TJP3: variants seen among roughly 807,000 people sequenced by gnomAD.
The protein encoded by TJP3 is tight junction protein 3.
In TJP3, 85 loss-of-function variants were observed where a neutral mutation model predicts 104.2. The ratio of observed to expected loss-of-function variants is 0.82; its 90% CI spans 0.68 to 0.98. The LOEUF (loss-of-function observed/expected upper bound fraction) is 0.98, where lower values mean the gene tolerates loss of function less well. Among genes scored for constraint, TJP3 ranks in the 50% least tolerant of loss-of-function variants. The probability of loss-of-function intolerance (pLI) is 0.00; values close to 1 mark genes in which losing one functional copy is unlikely to be tolerated. For missense variants in TJP3, 1,367 were observed against 1,322.8 expected, an observed-to-expected ratio of 1.03 and a Z score of -0.52; for synonymous variants, 550 against 550.6, an observed-to-expected ratio of 1.00 and a Z score of 0.02.
rs528806843 is a variant in TJP3 at position 3,741,004 on chromosome 19, GTTTTTA to G, written c.1843+254_1843+259del. Among the ~76,000 whole-genome samples, 875 of 152,016 alleles carry G rather than the reference GTTTTTA, an allele frequency of 5.8e-3. 15 individuals are homozygous for G. Among genetic ancestry groups the G allele is most frequent in the African/African-American group, 0.02 (837 of 41,458 alleles). The stretch of plus-strand genomic sequence containing the variant: ...CAAATTTATTTATTTATTTATTTTT[GTTTTTA>G]TTTTTATTTTTAGACAGAGTCTTGC... On this transcript the variant is annotated intron_variant, in intron 14 of 20. Transcript: ENST00000541714.
intron 2 of TJP3, 25 bp from the exon 3 acceptor site, chr19:3,728,579 C>T (rs1274890364): frequency 1.2e-6 from 2 of 1,607,034 alleles, no homozygotes; most frequent in Admixed American, 3.4e-5. Context: ...AACAGCAGCT[C>T]TTCCTTCCCC....
At chr19:3,745,966 G>A (rs373024344) in intron 15 of TJP3, 45 bp from the exon 16 acceptor site, 17 of 1,521,826 alleles carry the variant, frequency 1.1e-5, no homozygotes, top group South Asian at 3.6e-5. Flanking sequence ...TTGAGGGGAC[G>A]GGGGCTGCCC....
At chr19:3,718,163 G>A (rs1359064408) in intron 1 of TJP3, among the ~76,000 whole-genome samples, 2 of 140,286 alleles carry the variant, frequency 1.4e-5, no homozygotes, top group African/African-American at 2.7e-5. Flanking sequence ...CTGAGATTGC[G>A]CCTGGGCAAC....
chr19:3,750,474 C>T (rs1599168429), intron 20 of TJP3, 108 bp from the exon 21 acceptor site: 3 of 965,420 alleles, frequency 3.1e-6, no homozygotes, highest in Non-Finnish European at 3.2e-6. Flanking sequence ...CCCAGATGTG[C>T]TTATCTCTGC....
intron 1 of TJP3, among the ~76,000 whole-genome samples, chr19:3,713,689 G>A (rs1197991263): frequency 1.3e-5 from 2 of 152,054 alleles, no homozygotes; most frequent in Non-Finnish European, 2.9e-5. Flanking sequence ...TTACTTTTCT[G>A]TAACTTTAAA....
chr19:3,711,901 G>C (rs565716184), intron 1 of TJP3, among the ~76,000 whole-genome samples: 1 of 151,926 alleles, frequency 6.6e-6, no homozygotes, highest in Non-Finnish European at 1.5e-5. Flanking sequence ...GGCCGGCCTG[G>C]TCTCGAGCTT....
chr19:3,738,806 C>T (rs965843291), intron 12 of TJP3, 91 bp from the exon 13 acceptor site: 1 of 1,384,814 alleles, frequency 7.2e-7, no homozygotes, highest in Non-Finnish European at 1.0e-6. Context: ...GGGAGAGTGC[C>T]CCAAATCTCC....
chr19:3,745,370 C>T (rs1353977781), intron 15 of TJP3, among the ~76,000 whole-genome samples: 1 of 152,058 alleles, frequency 6.6e-6, no homozygotes, highest in Non-Finnish European at 1.5e-5. Context: ...TCTCAAACTT[C>T]TGACCTCAGG....
chr19:3,728,627 T>C lies in TJP3; in HGVS notation c.72T>C (p.Ile24=), dbSNP rs2036629516. The C allele has an allele frequency of 6.2e-7, 1 of 1,613,524 alleles. No homozygotes were observed. The highest frequency in any genetic ancestry group is 1.7e-4 in the Middle Eastern group (1 of 6,058). Residue 24 remains isoleucine (I), a synonymous_variant, in exon 3 of 21, where the codon ATT becomes ATC. Coordinates refer to ENST00000541714, the MANE Select transcript of TJP3 (RefSeq NM_001267560.2). ...AGGACCCCCGCCGGGGCTTTGGCATTGCGATCTCTGGAGGCCGAGACCGGC... is the reference window on the plus strand; with the variant it reads ...AGGACCCCCGCCGGGGCTTTGGCATCGCGATCTCTGGAGGCCGAGACCGGC... ...LSKDPRRGFG[I]AISGGRDRPG...
At chr19:3,747,655 C>CA (rs2036917413) in intron 18 of TJP3, 139 bp from the exon 19 acceptor site, 1 of 1,080,696 alleles carries the variant, frequency 9.3e-7, no homozygotes, top group Middle Eastern at 3.1e-4. Flanking sequence ...CTGGAGTCAA[C>CA]AGAGAAGCCT....
In TJP3 at chr19:3,717,043, G is replaced by A. The variant is rs1189922934; in HGVS notation, c.-10+8482G>A. On this transcript the variant is annotated intron_variant, in intron 1 of 20. Coordinates refer to ENST00000541714, the MANE Select transcript of TJP3 (RefSeq NM_001267560.2). ...TGCAATGGCCCGATTTCGGCTCACT[G>A]CAACCTCCGCCTCCCGGGCTCAAGC... Among the ~76,000 whole-genome samples the A allele has an allele frequency of 5.6e-5, 8 of 142,504 alleles. 1 individual carries two copies. The highest frequency in any genetic ancestry group is 7.8e-5 in the Non-Finnish European group (5 of 64,318). 93.5% of individuals were successfully genotyped at this position (142,504 alleles called of 152,430 possible). A position where few individuals can be genotyped will look rare whatever the true frequency, so the allele number is the denominator to read the frequency against.
intron 1 of TJP3, among the ~76,000 whole-genome samples, chr19:3,727,107 GA>G (rs1267896252): frequency 6.6e-6 from 1 of 151,770 alleles, no homozygotes; most frequent in Non-Finnish European, 1.5e-5. Context: ...TGGGAGGGGG[GA>G]CTTCATGGCT....
At chr19:3,723,598 C>T (rs2145674188) in intron 1 of TJP3, among the ~76,000 whole-genome samples, 1 of 151,898 alleles carries the variant, frequency 6.6e-6, no homozygotes, top group Middle Eastern at 3.4e-3. Flanking sequence ...TTGAGCCCAG[C>T]CTGGCCAACA....
rs141877334 is a variant in TJP3 at position 3,736,620 on chromosome 19, G to C, written c.1284+299G>C. Among the ~76,000 whole-genome samples, 261 of 152,198 alleles carry C rather than the reference G, an allele frequency of 1.7e-3. 1 individual carries two copies. The highest frequency in any genetic ancestry group is 6.1e-3 in the African/African-American group (252 of 41,502). ...GATGGAGTTTTGGTCTTGTTGCCCA[G>C]GCTGGAGTGCAATGGTGTGATCTTG... On this transcript the variant is annotated intron_variant, in intron 11 of 20. Transcript: ENST00000541714.
intron 1 of TJP3, among the ~76,000 whole-genome samples, chr19:3,715,272 G>C (rs1240593308): frequency 6.6e-6 from 1 of 152,056 alleles, no homozygotes; most frequent in Non-Finnish European, 1.5e-5. Context: ...TGTATTTTTA[G>C]TAGAGATGGG....
At chr19:3,733,234 C>T (rs1300250686) in intron 6 of TJP3, among the ~76,000 whole-genome samples, 2 of 151,872 alleles carry the variant, frequency 1.3e-5, no homozygotes, top group African/African-American at 4.8e-5. Context: ...CAGGGTTTCA[C>T]CATGATGGCC....
In TJP3 at chr19:3,730,762, C is replaced by G. The variant is rs537581126; in HGVS notation, c.613+56C>G. On this transcript the variant is annotated intron_variant, in intron 5 of 20. Coordinates refer to ENST00000541714, the MANE Select transcript of TJP3 (RefSeq NM_001267560.2). The surrounding 1 kb of genome is among the most constrained non-coding windows in gnomAD (Gnocchi z 7.3). The stretch of plus-strand genomic sequence containing the variant: ...AGTACTGGACACAGGGCACCGTGGT[C>G]GGATGGGCGACGGTTTCAAGTGATT... The G allele has an allele frequency of 1.3e-5, 20 of 1,515,834 alleles. No individual in the cohort carries two copies. In the South Asian group the frequency reaches 1.6e-4, roughly 12 times the overall value. 93.9% of individuals were successfully genotyped at this position (1,515,834 alleles called of 1,614,324 possible).
At position 3,738,940 on chromosome 19, in the gene TJP3, C is replaced by T. The variant is rs1384431485; in HGVS notation, c.1437C>T (p.Tyr479=). 1 of 1,612,446 alleles carries T rather than the reference C, an allele frequency of 6.2e-7. No homozygotes were observed. Among genetic ancestry groups the T allele is most frequent in the African/African-American group, 1.3e-5 (1 of 74,932 alleles). ...MVQSRVGDSF[Y]IRTHFELEPS... is the part of the protein sequence containing the mutation. ...AGTCCCGCGTGGGTGACTCCTTCTA[C>T]ATCCGCACTCACTTTGAGCTGGAGC... The change falls in exon 13 of 21, where the codon TAC becomes TAT. Residue 479 remains tyrosine, a synonymous_variant. Transcript: ENST00000541714.
chr19:3,747,206 G>A (rs1312241403), intron 18 of TJP3, among the ~76,000 whole-genome samples: 1 of 151,352 alleles, frequency 6.6e-6, no homozygotes, highest in Non-Finnish European at 1.5e-5. Flanking sequence ...GACTACAGGC[G>A]AGCGCTACCA....
Sources: allele counts gnomAD v4.1 joint callset (sites outside exome capture counted in the v4.1 genomes callset), GRCh38; gene constraint gnomAD v4.1.1; non-coding constraint Gnocchi (gnomAD v3.1); transcripts MANE v1.5; gene names NCBI Gene and HGNC (gene_info 2026-07-23, HGNC 2026-07-21).